Variants in DOP1A observed in about 807,000 individuals in gnomAD.
DOP1A encodes DOP1 leucine zipper like protein A, also known as protein DOP1A.
DOP1A carries 90 observed loss-of-function variants against 267.6 expected under a neutral mutation model. The ratio of observed to expected loss-of-function variants is 0.34; its 90% CI spans 0.28 to 0.40. The LOEUF is 0.40. DOP1A is among the 10% of genes least tolerant of loss of function. The pLI is 1.00. For synonymous variants in DOP1A, 932 were observed against 999.1 expected (o/e 0.93, Z 1.27); for missense variants, 2,437 against 2,900.4 (o/e 0.84, Z 3.67).
chr6:83,094,603 T>C (rs1771102663), intron 1 of DOP1A, among the ~76,000 whole-genome samples: 1 of 152,242 alleles, frequency 6.6e-6, no homozygotes, highest in Non-Finnish European at 1.5e-5. Flanking sequence ...TCATGAAATA[T>C]TGTGGTTTTG....
Position 83,130,296 on chromosome 6 carries a change from C to T in DOP1A, c.2515C>T (p.Gln839Ter). 1 of 1,613,988 alleles carries T rather than the reference C, an allele frequency of 6.2e-7. No individual in the cohort carries two copies. The highest frequency in any genetic ancestry group is 8.5e-7 in the Non-Finnish European group (1 of 1,179,962). The change falls in exon 17 of 39, where the codon CAA (glutamine) becomes TAA (stop). Residue 839 changes from glutamine to a stop codon, truncating the protein, a stop_gained. Coordinates refer to ENST00000349129, the MANE Select transcript of DOP1A (RefSeq NM_015018.4). LOFTEE classifies it high-confidence loss of function. ...GENINSVEPA[Q>*]PLSPNQGRVA... ...AAACATCAACAGTGTAGAGCCTGCA[C>T]AACCCTTAAGTCCAAACCAGGGAAG...
At chr6:83,114,293 CTG>C (rs1775048602) in intron 7 of DOP1A, among the ~76,000 whole-genome samples, 1 of 152,138 alleles carries the variant, frequency 6.6e-6, no homozygotes, top group African/African-American at 2.4e-5. Context: ...ATAAACCACT[CTG>C]TTTCTATTTT....
In DOP1A at chr6:83,124,884, G is replaced by A. The variant is rs1776908659; in HGVS notation, c.1455+65G>A. On this transcript the variant is annotated intron_variant, in intron 13 of 38. Transcript: ENST00000349129. ...TAACGTAGTTCAAATATTTCGTGTT[G>A]TAGGCAAGCCTTCAGATACATTTCA... 6.9e-6 allele frequency: 9 copies of A among 1,306,846 alleles called. No individual in the cohort carries two copies. The East Asian group carries it at 1.9e-4, about 27-fold the overall frequency. 81.0% of individuals were successfully genotyped at this position (1,306,846 alleles called of 1,614,324 possible). A position where few individuals can be genotyped will look rare whatever the true frequency, so the allele number is the denominator to read the frequency against.
rs6939281 is a variant in DOP1A at position 83,132,961 on chromosome 6, A to T, written c.2769+633A>T. On this transcript the variant is annotated intron_variant, in intron 18 of 38. Transcript: ENST00000349129. ...CTCTGTAATATAAATTGAAGATTTT[A>T]TTGAAGAGCTTTTAGAAGTAGATTG... Among the ~76,000 whole-genome samples the T allele has an allele frequency of 3.8e-3, 579 of 152,220 alleles. 3 individuals are homozygous for T. Among genetic ancestry groups the T allele is most frequent in the African/African-American group, 0.013 (559 of 41,540 alleles).
chr6:83,135,804 A>G lies in DOP1A; in HGVS notation c.3056A>G (p.Tyr1019Cys). ...GTACAGCGTGTACAAGCAGAACGTTATTGGAATAAGTCTCCCTGTTATCCA... is the reference window on the plus strand; with the variant it reads ...GTACAGCGTGTACAAGCAGAACGTTGTTGGAATAAGTCTCCCTGTTATCCA... The part of the protein sequence containing the change: ...VSVQRVQAER[Y>C]WNKSPCYPGE... Residue 1019 changes from tyrosine to cysteine, a missense_variant, in exon 20 of 39, where the codon TAT becomes TGT. Coordinates refer to ENST00000349129, the MANE Select transcript of DOP1A (RefSeq NM_015018.4). 1 of 1,613,768 alleles carries G rather than the reference A, an allele frequency of 6.2e-7. No individual in the cohort carries two copies. The highest frequency in any genetic ancestry group is 8.5e-7 in the Non-Finnish European group (1 of 1,179,724).
chr6:83,092,660 A>G (rs1247822306), intron 1 of DOP1A, among the ~76,000 whole-genome samples: 4 of 143,138 alleles, frequency 2.8e-5, no homozygotes, highest in Admixed American at 7.7e-5. Flanking sequence ...TTTTTTTTCT[A>G]TACATATATA....
At chr6:83,140,982 A>G (rs1283942406) in intron 23 of DOP1A, among the ~76,000 whole-genome samples, 1 of 152,130 alleles carries the variant, frequency 6.6e-6, no homozygotes, top group Non-Finnish European at 1.5e-5. Context: ...TGACCTAGTA[A>G]TCTACTTTAG....
intron 15 of DOP1A, 151 bp downstream of exon 15, chr6:83,125,884 G>C (rs925941105): frequency 3.1e-6 from 2 of 644,024 alleles, no homozygotes; most frequent in Non-Finnish European, 2.5e-6. Flanking sequence ...TAGGCTTTTG[G>C]TTATAGGGCA....
intron 1 of DOP1A, among the ~76,000 whole-genome samples, chr6:83,084,836 C>G (rs1768785242): frequency 6.6e-6 from 1 of 151,988 alleles, no homozygotes; most frequent in South Asian, 2.1e-4. Context: ...AGTGATCTGC[C>G]TGCCTTGGCC....
In DOP1A at chr6:83,157,274, C is replaced by A. The variant is rs1208344969; in HGVS notation, c.6697C>A (p.Pro2233Thr). ...FFRVLLLRMS[P>T]QHLTSLWPTM... ...CAGAGTGTTACTTTTAAGAATGTCTCCCCAACATCTTACCTCACTCTGGCC... is the reference window on the plus strand; with the variant it reads ...CAGAGTGTTACTTTTAAGAATGTCTACCCAACATCTTACCTCACTCTGGCC... The change falls in exon 35 of 39, where the codon CCC becomes ACC. Residue 2233 changes from proline (P) to threonine (T), a missense_variant. Coordinates refer to ENST00000349129, the MANE Select transcript of DOP1A (RefSeq NM_015018.4). 4.3e-6 allele frequency: 7 copies of A among 1,613,774 alleles called. No homozygotes were observed. The Admixed American group carries it at 1.0e-4, about 23-fold the overall frequency.
chr6:83,127,176 G>C (rs932817677), intron 15 of DOP1A, among the ~76,000 whole-genome samples: 1 of 152,118 alleles, frequency 6.6e-6, no homozygotes, highest in African/African-American at 2.4e-5. Flanking sequence ...ATGACTTCTG[G>C]AATAATGGCT....
chr6:83,110,318 G>A lies in DOP1A; in HGVS notation c.681+4G>A. 6.2e-7 allele frequency: 1 copy of A among 1,610,812 alleles called. No individual in the cohort carries two copies. Among genetic ancestry groups the A allele is most frequent in the Non-Finnish European group, 8.5e-7 (1 of 1,178,336 alleles). ...TGGCAGTGATATTGAGCTAATGGTA[G>A]GTCTAAAAATATGGTTGCTCATTTC... is the stretch of plus-strand genomic sequence containing the variant. On this transcript the variant is annotated splice_donor_region_variant and intron_variant, in intron 6 of 38. Transcript: ENST00000349129.
At chr6:83,096,408 G>A (rs1243950189) in intron 1 of DOP1A, among the ~76,000 whole-genome samples, 2 of 150,556 alleles carry the variant, frequency 1.3e-5, no homozygotes, top group Non-Finnish European at 3.0e-5. Flanking sequence ...ACCACCACAT[G>A]TTCTTGTCAG....
chr6:83,152,002 A>T lies in DOP1A; in HGVS notation c.6024A>T (p.Gly2008=). ...VKPSPKIMVD[G]TNLESDVEDM... Reference sequence around the variant, plus strand: ...CTTCTCCCAAAATAATGGTAGATGGAACCAATTTGGAATCTGATGTTGAAG... The same window carrying T: ...CTTCTCCCAAAATAATGGTAGATGGTACCAATTTGGAATCTGATGTTGAAG... Residue 2008 remains glycine (G), a synonymous_variant, in exon 29 of 39, where the codon GGA becomes GGT. Coordinates refer to ENST00000349129, the MANE Select transcript of DOP1A (RefSeq NM_015018.4). 1 of 1,614,000 alleles carries T rather than the reference A, an allele frequency of 6.2e-7. No individual in the cohort carries two copies. Among genetic ancestry groups the T allele is most frequent in the Non-Finnish European group, 8.5e-7 (1 of 1,179,928 alleles).
chr6:83,109,885 T>C (rs766546100), intron 5 of DOP1A, among the ~76,000 whole-genome samples: 1 of 152,196 alleles, frequency 6.6e-6, no homozygotes, highest in Non-Finnish European at 1.5e-5. Context: ...ATGAGGAGAC[T>C]GAACTTAACA....
Position 83,129,114 on chromosome 6 carries a change from C to G in DOP1A, c.1947C>G (p.Thr649=). ...ETASTVGSEE[T]IIQTPSVVTQ... is the part of the protein sequence containing the mutation. ...CATCCACTGTGGGATCTGAAGAAACCATCATCCAGACCCCTTCCGTAGTCA... is the reference window on the plus strand; with the variant it reads ...CATCCACTGTGGGATCTGAAGAAACGATCATCCAGACCCCTTCCGTAGTCA... The change falls in exon 16 of 39, where the codon ACC becomes ACG. Residue 649 remains threonine, a synonymous_variant. Transcript: ENST00000349129. 1.9e-6 allele frequency: 3 copies of G among 1,614,028 alleles called. No homozygotes were observed. The highest frequency in any genetic ancestry group is 2.5e-6 in the Non-Finnish European group (3 of 1,179,974).
chr6:83,123,141 G>A (rs1776616597), intron 12 of DOP1A, among the ~76,000 whole-genome samples, 159 bp downstream of exon 12: 1 of 151,842 alleles, frequency 6.6e-6, no homozygotes, highest in South Asian at 2.1e-4. Flanking sequence ...TGTCACATAG[G>A]ATATAAAATC....
At chr6:83,106,067 A>T (rs2128159173) in intron 4 of DOP1A, among the ~76,000 whole-genome samples, 1 of 152,320 alleles carries the variant, frequency 6.6e-6, no homozygotes, top group Non-Finnish European at 1.5e-5. Flanking sequence ...TTTATATTAA[A>T]TGTAGATATG....
At position 83,137,230 on chromosome 6, in the gene DOP1A, A is replaced by C. The variant is rs1779000669; in HGVS notation, c.3188A>C (p.Asp1063Ala). Residue 1063 changes from aspartate (D) to alanine (A), a missense_variant, in exon 21 of 39, where the codon GAT (aspartate) becomes GCT (alanine). Asp to Ala is a moderately radical substitution (Grantham distance 126). Transcript: ENST00000349129. ...KGNGEKPLTMDEIENFSLTVN... is the reference protein window; with the variant it reads ...KGNGEKPLTMAEIENFSLTVN... ...AATGGTGAAAAGCCACTTACCATGG[A>C]TGAAATAGAGAACTTTAGTCTCACT... 1 of 1,603,540 alleles carries C rather than the reference A, an allele frequency of 6.2e-7. No homozygotes were observed. The highest frequency in any genetic ancestry group is 1.7e-5 in the Admixed American group (1 of 59,226).
Sources: allele counts gnomAD v4.1 joint callset (sites outside exome capture counted in the v4.1 genomes callset), GRCh38; gene constraint gnomAD v4.1.1; transcripts MANE v1.5; gene names NCBI Gene and HGNC (gene_info 2026-07-23, HGNC 2026-07-21).